The following PDGFC variants were observed in gnomAD, a reference collection of about 807,000 sequenced individuals.
PDGFC encodes platelet derived growth factor C, also known as platelet-derived growth factor C.
Under a neutral mutation model 35.5 loss-of-function variants are expected in PDGFC, and 12 were observed. The observed-to-expected ratio is 0.34, with a 90% confidence interval of 0.22 to 0.55. The LOEUF (loss-of-function observed/expected upper bound fraction) is 0.55, where lower values mean the gene tolerates loss of function less well. Ranked by LOEUF, PDGFC falls within the 20% of genes least tolerant of loss-of-function variation. PDGFC has a pLI of 0.91. For missense variants in PDGFC, 322 were observed against 412.4 expected, an observed-to-expected ratio of 0.78 and a Z score of 1.90; for synonymous variants, 159 against 148.8, an observed-to-expected ratio of 1.07 and a Z score of -0.50.
intron 1 of PDGFC, among the ~76,000 whole-genome samples, chr4:156,902,638 A>C (rs1730816957): frequency 6.6e-6 from 1 of 152,140 alleles, no homozygotes; most frequent in African/African-American, 2.4e-5. Flanking sequence ...TATTTTTATC[A>C]TTACTGAATA....
intron 3 of PDGFC, among the ~76,000 whole-genome samples, chr4:156,788,368 AAG>A (rs1240872084): frequency 6.6e-6 from 1 of 152,218 alleles, no homozygotes; most frequent in Non-Finnish European, 1.5e-5. Context: ...GAACTTGGCT[AAG>A]AGAGATTAAA....
intron 3 of PDGFC, among the ~76,000 whole-genome samples, chr4:156,785,041 T>C (rs1027339708): frequency 2.6e-5 from 4 of 152,242 alleles, no homozygotes; most frequent in African/African-American, 9.6e-5. Context: ...CATTTTATTC[T>C]CAATAATTTT....
At chr4:156,795,809 C>G (rs1259675156) in intron 3 of PDGFC, among the ~76,000 whole-genome samples, 1 of 152,124 alleles carries the variant, frequency 6.6e-6, no homozygotes, top group Non-Finnish European at 1.5e-5. Context: ...GATTTAGCTG[C>G]ACTACAGTCA....
rs143422861 is a variant in PDGFC at position 156,864,624 on chromosome 4, G to A, written c.119-14208C>T. Among the ~76,000 whole-genome samples, 196 of 152,120 alleles carry A rather than the reference G, an allele frequency of 1.3e-3. 3 individuals are homozygous for A. The highest frequency in any genetic ancestry group is 4.3e-3 in the African/African-American group (178 of 41,502). ...TGGCCTTTTTCTGTGCTGGATGTGG[G>A]GTTTGAAAGGTAATGTTTAGAACTG... On this transcript the variant is annotated intron_variant, in intron 1 of 5. Coordinates refer to ENST00000502773, the MANE Select transcript of PDGFC (RefSeq NM_016205.3).
chr4:156,768,963 G>A (rs1730617241), intron 4 of PDGFC, among the ~76,000 whole-genome samples: 1 of 151,796 alleles, frequency 6.6e-6, no homozygotes, highest in Admixed American at 6.6e-5. Flanking sequence ...ATTACTATTA[G>A]GATAAAGACT....
chr4:156,860,489 T>A (rs924353955), intron 1 of PDGFC, among the ~76,000 whole-genome samples: 2 of 151,760 alleles, frequency 1.3e-5, no homozygotes, highest in Non-Finnish European at 2.9e-5. Context: ...AATCCATCTA[T>A]CCCTCTAAAA....
At chr4:156,834,179 A>T (rs1729008855) in intron 2 of PDGFC, among the ~76,000 whole-genome samples, 1 of 152,158 alleles carries the variant, frequency 6.6e-6, no homozygotes, top group Non-Finnish European at 1.5e-5. Context: ...CTCATATTAC[A>T]GATCTTGAGA....
At chr4:156,912,716 A>T (rs1156854745) in intron 1 of PDGFC, among the ~76,000 whole-genome samples, 1 of 152,154 alleles carries the variant, frequency 6.6e-6, no homozygotes, top group African/African-American at 2.4e-5. Flanking sequence ...AGAAAATGGG[A>T]ACACAAGAAA....
At chr4:156,935,869 C>A (rs1330368790) in intron 1 of PDGFC, among the ~76,000 whole-genome samples, 2 of 152,018 alleles carry the variant, frequency 1.3e-5, no homozygotes, top group African/African-American at 4.8e-5. Flanking sequence ...AACATGAATA[C>A]AAAATTATAC....
chr4:156,783,943 T>G (rs575807663), intron 3 of PDGFC, among the ~76,000 whole-genome samples: 56 of 152,252 alleles, frequency 3.7e-4, no homozygotes, highest in African/African-American at 1.3e-3. Context: ...ATGCTTAATT[T>G]TAAATGATTC....
At chr4:156,808,677 TG>T (rs1381988690) in intron 3 of PDGFC, among the ~76,000 whole-genome samples, 4 of 151,492 alleles carry the variant, frequency 2.6e-5, no homozygotes, top group African/African-American at 9.7e-5. Context: ...GAGGGAGGGG[TG>T]TAATTTAGGA....
At chr4:156,897,752 C>A (rs560167770) in intron 1 of PDGFC, among the ~76,000 whole-genome samples, 1 of 152,020 alleles carries the variant, frequency 6.6e-6, no homozygotes, top group Non-Finnish European at 1.5e-5. Context: ...GCAACTCAAT[C>A]GACAAACGGA....
At chr4:156,901,757 G>A (rs954829104) in intron 1 of PDGFC, among the ~76,000 whole-genome samples, 3 of 152,014 alleles carry the variant, frequency 2.0e-5, no homozygotes, top group Admixed American at 1.3e-4. Flanking sequence ...TGAGGAGCTC[G>A]GTGTACCACC....
intron 2 of PDGFC, among the ~76,000 whole-genome samples, chr4:156,817,806 C>T (rs1732134418): frequency 6.6e-6 from 1 of 151,986 alleles, no homozygotes; most frequent in Non-Finnish European, 1.5e-5. Flanking sequence ...TGCCTGTAAT[C>T]CCGGCACTTT....
intron 1 of PDGFC, among the ~76,000 whole-genome samples, chr4:156,935,847 C>T (rs890733589): frequency 2.6e-5 from 4 of 152,092 alleles, no homozygotes; most frequent in African/African-American, 9.7e-5. Context: ...TATGCTAGAT[C>T]TTGTGTTAAA....
At chr4:156,835,191 T>A (rs1156265027) in intron 2 of PDGFC, among the ~76,000 whole-genome samples, 1 of 152,118 alleles carries the variant, frequency 6.6e-6, no homozygotes, top group East Asian at 1.9e-4. Flanking sequence ...AAAACTAATG[T>A]CATCACTAAT....
chr4:156,891,592 T>C (rs1357037565), intron 1 of PDGFC, among the ~76,000 whole-genome samples: 2 of 152,172 alleles, frequency 1.3e-5, no homozygotes, highest in Non-Finnish European at 2.9e-5. Flanking sequence ...CTGAAAGTCT[T>C]AGGAAGTGCT....
intron 1 of PDGFC, among the ~76,000 whole-genome samples, chr4:156,883,131 G>T (rs1730287388): frequency 6.6e-6 from 1 of 150,958 alleles, no homozygotes; most frequent in South Asian, 2.1e-4. Flanking sequence ...CTCACTTGAA[G>T]TCAACCCTGC....
intron 3 of PDGFC, chr4:156,778,176 T>C (rs1730877194): frequency 7.8e-6 from 3 of 386,024 alleles, no homozygotes; most frequent in Non-Finnish European, 1.6e-5. Context: ...TGAGCACTAT[T>C]AACAAAACAA....
Sources: gnomAD v4.1 joint callset for allele counts (sites outside exome capture counted in the v4.1 genomes callset) on GRCh38, gnomAD v4.1.1 for gene constraint, MANE v1.5 for transcripts, NCBI Gene and HGNC (gene_info 2026-07-23, HGNC 2026-07-21) for gene names.